MCF2L: variants seen among roughly 807,000 people sequenced by gnomAD.
MCF2L encodes the protein MCF.2 cell line derived transforming sequence like.
Under a neutral mutation model 153.4 loss-of-function variants are expected in MCF2L, and 97 were observed. The observed-to-expected ratio is 0.63, with a 90% CI of 0.54 to 0.75. The LOEUF is 0.75. Ranked by LOEUF, MCF2L falls within the 30% of genes least tolerant of loss-of-function variation. The probability of loss-of-function intolerance (pLI) is 0.00; values close to 1 mark genes in which losing one functional copy is unlikely to be tolerated. For synonymous variants in MCF2L, 659 were observed against 632.2 expected (o/e 1.04, Z -0.64); for missense variants, 1,347 against 1,495.2 (o/e 0.90, Z 1.64).
In MCF2L at chr13:113,035,141, CGAG is replaced by C. The variant is rs1308105412; in HGVS notation, c.279-10128_279-10126del. ...CTTGTGATATTCACTTCCAACCACA[CGAG>C]GGTGCAGCTGGGCAACCGCAGCTTT... is the stretch of plus-strand genomic sequence containing the variant. On this transcript the variant is annotated intron_variant, in intron 3 of 29. Coordinates refer to ENST00000535094, the MANE Select transcript of MCF2L (RefSeq NM_001112732.3). The surrounding 1 kb of genome is among the most constrained non-coding windows in gnomAD (Gnocchi z 4.4). Among the ~76,000 whole-genome samples the C allele has an allele frequency of 6.6e-6, 1 of 152,212 alleles. No homozygotes were observed. Among genetic ancestry groups the C allele is most frequent in the Non-Finnish European group, 1.5e-5 (1 of 68,038 alleles).
chr13:113,051,145 A>T (rs183657822), intron 4 of MCF2L, among the ~76,000 whole-genome samples: 2 of 152,286 alleles, frequency 1.3e-5, no homozygotes, highest in Non-Finnish European at 2.9e-5. Flanking sequence ...GGGGACCAGG[A>T]TCTGCAGGCT....
rs1413229985 is a variant in MCF2L at position 113,064,906 on chromosome 13, G to C, written c.607-30G>C. 6.3e-7 allele frequency: 1 copy of C among 1,599,890 alleles called. No individual in the cohort carries two copies. The highest frequency in any genetic ancestry group is 1.1e-5 in the South Asian group (1 of 88,428). On this transcript the variant is annotated intron_variant, in intron 6 of 29. Coordinates refer to ENST00000535094, the MANE Select transcript of MCF2L (RefSeq NM_001112732.3). The surrounding 1 kb of genome is among the most constrained non-coding windows in gnomAD (Gnocchi z 6.0). ...GCAGGAGGTGGGTGCAGTGCACAAG[G>C]CATGCAATTGTGTTTTCTCTGTCCC...
chr13:112,979,701 CGGCGGCTGTGGTCACTGCCCAGGA>C (rs762695943), intron 1 of MCF2L: 4 of 1,612,758 alleles, frequency 2.5e-6, no homozygotes, highest in Non-Finnish European at 3.4e-6. Flanking sequence ...GGGAACCCTG[CGGCGGCTGTGGTCACTGCCCAGGA>C]GGCGCCGGGG....
Position 112,989,253 on chromosome 13 carries a change from C to T in MCF2L, c.79+19795C>T, listed in dbSNP as rs866626933. ...CCCTGAGCAGGAGATGGAGCTACCA[C>T]GCCCGAGTCCTCCCTGAGCAGGACA... On this transcript the variant is annotated intron_variant, in intron 1 of 29. Transcript: ENST00000535094. 6.7e-3 allele frequency among the ~76,000 whole-genome samples: 955 copies of T among 142,366 alleles called. 10 individuals carry two copies. Among genetic ancestry groups the T allele is most frequent in the Middle Eastern group, 0.015 (4 of 268 alleles). 93.4% of individuals were successfully genotyped at this position (142,366 alleles called of 152,430 possible). A position where few individuals can be genotyped will look rare whatever the true frequency, so the allele number is the denominator to read the frequency against.
chr13:113,015,282 G>A (rs2084433631), intron 2 of MCF2L, among the ~76,000 whole-genome samples: 1 of 152,230 alleles, frequency 6.6e-6, no homozygotes, highest in Non-Finnish European at 1.5e-5. Flanking sequence ...CAGCCATGGG[G>A]ACATAATGAG....
Position 113,085,189 on chromosome 13 carries a change from C to A in MCF2L, c.2247+11C>A. The stretch of plus-strand genomic sequence containing the variant: ...CAGCTGCTGCTCAAGGTGGGCTCCG[C>A]GGTGACCGTGGCCCGGCCTCCCCAG... On this transcript the variant is annotated intron_variant, in intron 20 of 29. Coordinates refer to ENST00000535094, the MANE Select transcript of MCF2L (RefSeq NM_001112732.3). 1 of 1,611,946 alleles carries A rather than the reference C, an allele frequency of 6.2e-7. No individual in the cohort carries two copies.
chr13:112,973,311 C>T (rs1017332716), intron 1 of MCF2L, among the ~76,000 whole-genome samples: 9 of 152,162 alleles, frequency 5.9e-5, no homozygotes, highest in African/African-American at 9.7e-5. Flanking sequence ...AAATGAGGTA[C>T]GTCTGTGTGG....
In MCF2L at chr13:112,959,316, A is replaced by G. The variant is rs573436891; in HGVS notation, c.170-55447A>G. On this transcript the variant is annotated intron_variant, in intron 2 of 29. Transcript: ENST00000375608. ...CAGTTGGCGTGTCAGTTATATTTAT[A>G]TTATACATCCTGCCATCTGGGGCTC... Among the ~76,000 whole-genome samples, 684 of 152,048 alleles carry G rather than the reference A, an allele frequency of 4.5e-3. 7 individuals carry two copies. The highest frequency in any genetic ancestry group is 7.5e-3 in the Non-Finnish European group (509 of 68,002).
At position 113,044,349 on chromosome 13, in the gene MCF2L, G is replaced by T. The variant is rs150351922; in HGVS notation, c.279-922G>T. ...AGTTGCTGTTTCTGTCTTTAAATCC[G>T]AGCGTCAGAAGGATCTGAGACACCC... On this transcript the variant is annotated intron_variant, in intron 3 of 29. Coordinates refer to ENST00000535094, the MANE Select transcript of MCF2L (RefSeq NM_001112732.3). 61 of 334,974 alleles carry T rather than the reference G, an allele frequency of 1.8e-4. 1 individual carries two copies. In the East Asian group the frequency reaches 4.5e-3, roughly 24 times the overall value. 20.8% of individuals were successfully genotyped at this position (334,974 alleles called of 1,614,324 possible). A position where few individuals can be genotyped will look rare whatever the true frequency, so the allele number is the denominator to read the frequency against.
chr13:113,095,391 C>T (rs918676340), intron 27 of MCF2L: 55 of 1,119,988 alleles, frequency 4.9e-5, no homozygotes, highest in Middle Eastern at 8.3e-4. Context: ...AAGGCCTGGG[C>T]GTGAGAACAG....
At chr13:113,026,711 G>T (rs557364994) in intron 3 of MCF2L, among the ~76,000 whole-genome samples, 1 of 152,252 alleles carries the variant, frequency 6.6e-6, no homozygotes, top group Admixed American at 6.5e-5. Flanking sequence ...GGGCGTGGCC[G>T]CCTCCTGCCC....
At chr13:112,896,260 G>A (rs1200299660) in intron 1 of MCF2L, among the ~76,000 whole-genome samples, 1 of 152,034 alleles carries the variant, frequency 6.6e-6, no homozygotes, top group Admixed American at 6.5e-5. Context: ...TGGAATTCAG[G>A]TCTCTTCACC....
chr13:112,918,389 A>G (rs527974172), intron 2 of MCF2L, among the ~76,000 whole-genome samples: 4 of 152,306 alleles, frequency 2.6e-5, no homozygotes, highest in South Asian at 2.1e-4. Flanking sequence ...TGGGAGAGAG[A>G]GCAGGAGTAA....
intron 3 of MCF2L, among the ~76,000 whole-genome samples, chr13:113,026,233 G>A (rs962270258): frequency 6.6e-6 from 1 of 150,588 alleles, no homozygotes; most frequent in African/African-American, 2.4e-5. Flanking sequence ...ACCAGGCTGG[G>A]GTCCCCGTGA....
chr13:112,924,367 A>C (rs1462675380), intron 2 of MCF2L, among the ~76,000 whole-genome samples: 1 of 152,178 alleles, frequency 6.6e-6, no homozygotes, highest in East Asian at 1.9e-4. Flanking sequence ...GGAAAACCCA[A>C]AATAATCATT....
rs555863279 is a variant in MCF2L, at chr13:113,035,973, C to T, written c.279-9298C>T. Among the ~76,000 whole-genome samples, 4 of 152,162 alleles carry T rather than the reference C, an allele frequency of 2.6e-5. No individual in the cohort carries two copies. The highest frequency in any genetic ancestry group is 1.9e-4 in the East Asian group (1 of 5,176). ...ACCTCAGCAGGTAGAGTATCATCTC[C>T]GTGGTACAGCAGGGGCCTGAGGGAT... On this transcript the variant is annotated intron_variant, in intron 3 of 29. Transcript: ENST00000535094. The surrounding 1 kb of genome is among the most constrained non-coding windows in gnomAD (Gnocchi z 4.4).
upstream of MCF2L, chr13:112,968,634 G>C (rs1323244521): frequency 6.5e-7 from 1 of 1,527,252 alleles, no homozygotes; most frequent in African/African-American, 1.4e-5. Context: ...CGCGGCGCGG[G>C]TGGCATGCGG....
intron 3 of MCF2L, among the ~76,000 whole-genome samples, chr13:113,034,980 G>A (rs970980967): frequency 2.0e-5 from 3 of 152,220 alleles, no homozygotes; most frequent in African/African-American, 7.2e-5. Flanking sequence ...CGCCCTGATA[G>A]CAAGGGACCT....
At chr13:113,040,380 T>TAACC (rs1356752026) in intron 3 of MCF2L, 1 of 131,416 alleles carries the variant, frequency 7.6e-6, no homozygotes, top group African/African-American at 3.0e-5. Context: ...TGGGCCAAGG[T>TAACC]AACCGAGTCG....
Sources: allele counts gnomAD v4.1 joint callset (sites outside exome capture counted in the v4.1 genomes callset), GRCh38; gene constraint gnomAD v4.1.1; non-coding constraint Gnocchi (gnomAD v3.1); transcripts MANE v1.5; gene names NCBI Gene and HGNC (gene_info 2026-07-23, HGNC 2026-07-21).